Variants in LRP1B observed in about 807,000 individuals in gnomAD.
The protein encoded by LRP1B is low-density lipoprotein receptor-related protein 1B.
Under a neutral mutation model 556.6 loss-of-function variants are expected in LRP1B, and 217 were observed. The ratio of observed to expected loss-of-function variants is 0.39; its 90% CI spans 0.35 to 0.44. The LOEUF (loss-of-function observed/expected upper bound fraction) is 0.44, where lower values mean the gene tolerates loss of function less well. Among genes scored for constraint, LRP1B ranks in the 20% least tolerant of loss-of-function variants. The pLI is 1.00. For missense variants in LRP1B, 5,053 were observed against 5,620.8 expected, an observed-to-expected ratio of 0.90 and a Z score of 3.23; for synonymous variants, 2,047 against 1,865.8, an observed-to-expected ratio of 1.10 and a Z score of -2.50.
At chr2:140,307,514 C>G (rs145027002) in intron 83 of LRP1B, among the ~76,000 whole-genome samples, 1 of 151,440 alleles carries the variant, frequency 6.6e-6, no homozygotes, top group Non-Finnish European at 1.5e-5. Context: ...TAAGATGCTC[C>G]TAAGAATTCA....
rs1684270426 is a variant in LRP1B at position 141,515,255 on chromosome 2, T to C, written c.206-34722A>G. Among the ~76,000 whole-genome samples, 3 of 149,116 alleles carry C rather than the reference T, an allele frequency of 2.0e-5. No individual in the cohort carries two copies. The South Asian group carries it at 6.4e-4, about 32-fold the overall frequency. On this transcript the variant is annotated intron_variant, in intron 2 of 90. Transcript: ENST00000389484. ...AGGTGGAGGTTGCGGTGAGCCGAGA[T>C]CGCACCACTGCACTCCAGCCTGGGC... is the stretch of plus-strand genomic sequence containing the variant.
At chr2:141,096,354 G>C (rs1440095574) in intron 7 of LRP1B, among the ~76,000 whole-genome samples, 2 of 152,056 alleles carry the variant, frequency 1.3e-5, no homozygotes, top group Admixed American at 1.3e-4. Flanking sequence ...TCGGGAGGCT[G>C]AAGCAGGAGG....
intron 3 of LRP1B, among the ~76,000 whole-genome samples, chr2:141,331,541 T>TGTCTTTCTTTC (rs1553497574): frequency 2.1e-5 from 3 of 144,756 alleles, no homozygotes; most frequent in African/African-American, 8.2e-5. Context: ...TCTTTCTTTC[T>TGTCTTTCTTTC]TTCTTTCTTT....
At chr2:140,507,346 G>C (rs760873934) in intron 52 of LRP1B, among the ~76,000 whole-genome samples, 2 of 152,090 alleles carry the variant, frequency 1.3e-5, no homozygotes, top group Non-Finnish European at 2.9e-5. Flanking sequence ...CTGGTAAAGA[G>C]CAATGCTAAT....
At chr2:142,076,330 C>T (rs913516989) in intron 1 of LRP1B, among the ~76,000 whole-genome samples, 1 of 151,966 alleles carries the variant, frequency 6.6e-6, no homozygotes, top group African/African-American at 2.4e-5. Flanking sequence ...CTATTCACAC[C>T]AACAGCATCC....
At chr2:141,335,790 G>C (rs1402476) in intron 3 of LRP1B, among the ~76,000 whole-genome samples, 88,131 of 151,850 alleles carry the variant, frequency 0.58, 26,496 homozygotes, top group African/African-American at 0.68. Context: ...CACAGAGATG[G>C]AAAAAAAGAG....
intron 27 of LRP1B, among the ~76,000 whole-genome samples, chr2:140,852,354 A>G (rs1381269928): frequency 6.6e-6 from 1 of 152,208 alleles, no homozygotes; most frequent in Non-Finnish European, 1.5e-5. Context: ...AAAAGACGTC[A>G]AGACTTTTTA....
intron 1 of LRP1B, among the ~76,000 whole-genome samples, chr2:141,818,251 A>C (rs965991541): frequency 1.3e-5 from 2 of 152,212 alleles, no homozygotes; most frequent in East Asian, 1.9e-4. Flanking sequence ...ATGCAACTTC[A>C]AATTTTGATA....
intron 35 of LRP1B, among the ~76,000 whole-genome samples, chr2:140,743,631 C>T (rs1688211729): frequency 1.3e-5 from 2 of 152,054 alleles, no homozygotes. Flanking sequence ...ATATAGTACA[C>T]ATGTATTAAG....
In LRP1B at chr2:140,420,452, T is replaced by G. The variant is rs181844216; in HGVS notation, c.10414+22052A>C. 1.6e-3 allele frequency among the ~76,000 whole-genome samples: 239 copies of G among 152,340 alleles called. 1 individual carries two copies. Among genetic ancestry groups the G allele is most frequent in the African/African-American group, 5.3e-3 (222 of 41,578 alleles). On this transcript the variant is annotated intron_variant, in intron 66 of 90. Coordinates refer to ENST00000389484, the MANE Select transcript of LRP1B (RefSeq NM_018557.3). Reference sequence around the variant, plus strand: ...TGGAAATGTAAAATTGCACATCCACTTTAGAAAATAATTGGTATTTTCTTT... The same window carrying G: ...TGGAAATGTAAAATTGCACATCCACGTTAGAAAATAATTGGTATTTTCTTT...
In LRP1B at chr2:141,040,855, C is replaced by A. The variant is rs796833345; in HGVS notation, c.1789+8131G>T. Among the ~76,000 whole-genome samples the A allele has an allele frequency of 3.4e-4, 52 of 152,158 alleles. 1 individual carries two copies. Among genetic ancestry groups the A allele is most frequent in the African/African-American group, 1.3e-3 (52 of 41,542 alleles). ...AGCAATCACATGAATATAGCACTGT[C>A]CTTTCATAGTATGTGAACAGATTAA... On this transcript the variant is annotated intron_variant, in intron 11 of 90. Coordinates refer to ENST00000389484, the MANE Select transcript of LRP1B (RefSeq NM_018557.3).
chr2:142,012,157 C>T (rs1222906639), intron 1 of LRP1B, among the ~76,000 whole-genome samples: 1 of 151,868 alleles, frequency 6.6e-6, no homozygotes, highest in African/African-American at 2.4e-5. Context: ...TTTTTAAAAC[C>T]TTTATTTTTC....
intron 21 of LRP1B, among the ~76,000 whole-genome samples, chr2:140,913,145 T>A (rs911904550): frequency 1.3e-5 from 2 of 151,926 alleles, no homozygotes; most frequent in Non-Finnish European, 2.9e-5. Flanking sequence ...TTTATACTAC[T>A]AACCTTTAGT....
intron 7 of LRP1B, among the ~76,000 whole-genome samples, chr2:141,142,953 T>C (rs1574119544): frequency 8.6e-6 from 1 of 116,522 alleles, no homozygotes; most frequent in Non-Finnish European, 1.7e-5. Flanking sequence ...TGAGACAGAG[T>C]CTTGTTCTGT....
At chr2:141,650,826 T>G (rs1352521305) in intron 2 of LRP1B, among the ~76,000 whole-genome samples, 2 of 152,198 alleles carry the variant, frequency 1.3e-5, no homozygotes, top group African/African-American at 4.8e-5. Context: ...GTTTTCCCAC[T>G]AATCCCGAAT....
intron 7 of LRP1B, among the ~76,000 whole-genome samples, chr2:141,138,589 T>TA (rs1485657062): frequency 6.6e-6 from 1 of 151,870 alleles, no homozygotes; most frequent in Non-Finnish European, 1.5e-5. Flanking sequence ...TTTTTTTTTT[T>TA]ACTGGCAAAT....
chr2:140,331,860 T>C (rs900711875), intron 79 of LRP1B, among the ~76,000 whole-genome samples: 2 of 151,762 alleles, frequency 1.3e-5, no homozygotes, highest in East Asian at 3.9e-4. Flanking sequence ...CATGCCTGGC[T>C]TATTTTTTGT....
intron 2 of LRP1B, among the ~76,000 whole-genome samples, chr2:141,712,437 C>T (rs1692397821): frequency 6.6e-6 from 1 of 151,882 alleles, no homozygotes; most frequent in Non-Finnish European, 1.5e-5. Flanking sequence ...ATGATTATTC[C>T]AAGTATAGGT....
chr2:141,379,640 C>A (rs974629752), intron 3 of LRP1B, among the ~76,000 whole-genome samples: 1 of 152,166 alleles, frequency 6.6e-6, no homozygotes, highest in Non-Finnish European at 1.5e-5. Context: ...AAATGAAGGG[C>A]TTGAACCACT....
Sources: allele counts gnomAD v4.1 joint callset (sites outside exome capture counted in the v4.1 genomes callset), GRCh38; gene constraint gnomAD v4.1.1; transcripts MANE v1.5; gene names NCBI Gene and HGNC (gene_info 2026-07-23, HGNC 2026-07-21).